The following RIMS1 variants were observed in gnomAD, a reference collection of about 807,000 sequenced individuals.
The protein encoded by RIMS1 is regulating synaptic membrane exocytosis protein 1.
A neutral mutation model predicts 214.1 loss-of-function variants in RIMS1; 83 were observed. The ratio of observed to expected loss-of-function variants is 0.39; its 90% CI spans 0.32 to 0.47. The LOEUF (loss-of-function observed/expected upper bound fraction) is 0.47, where lower values mean the gene tolerates loss of function less well. Among genes scored for constraint, RIMS1 ranks in the 20% least tolerant of loss-of-function variants. RIMS1 has a pLI of 0.99. For missense variants in RIMS1, 2,050 were observed against 2,161.8 expected (o/e 0.95, Z 1.03); for synonymous variants, 793 against 786.8 (o/e 1.01, Z -0.13).
chr6:72,108,356 C>T (rs1422378170), intron 4 of RIMS1, among the ~76,000 whole-genome samples: 2 of 152,110 alleles, frequency 1.3e-5, no homozygotes, highest in Non-Finnish European at 2.9e-5. Context: ...TCCCAAAGTG[C>T]TAGGATTACA....
intron 6 of RIMS1, among the ~76,000 whole-genome samples, chr6:72,189,321 G>A (rs911615488): frequency 8.5e-5 from 13 of 152,174 alleles, no homozygotes; most frequent in African/African-American, 2.9e-4. Flanking sequence ...TCAGGATGAT[G>A]GGGAACATGG....
At chr6:72,312,014 C>G (rs1286787589) in intron 27 of RIMS1, among the ~76,000 whole-genome samples, 1 of 152,174 alleles carries the variant, frequency 6.6e-6, no homozygotes, top group African/African-American at 2.4e-5. Context: ...CAGTCCTAAA[C>G]TACTCTCATG....
chr6:72,220,616 G>T (rs2058068071), intron 6 of RIMS1, among the ~76,000 whole-genome samples: 1 of 152,128 alleles, frequency 6.6e-6, no homozygotes, highest in South Asian at 2.1e-4. Context: ...AAAAACCTTA[G>T]TTACTAGTTG....
At chr6:71,987,445 A>G (rs1198894289) in intron 2 of RIMS1, among the ~76,000 whole-genome samples, 2 of 152,200 alleles carry the variant, frequency 1.3e-5, no homozygotes, top group East Asian at 3.9e-4. Flanking sequence ...CCTCTTGTAC[A>G]GGGCACTAAT....
At chr6:71,933,541 A>G (rs1414598405) in intron 1 of RIMS1, among the ~76,000 whole-genome samples, 1 of 152,140 alleles carries the variant, frequency 6.6e-6, no homozygotes, top group Admixed American at 6.6e-5. Context: ...GGAAACGGAA[A>G]TGGACTTTTT....
intron 29 of RIMS1, among the ~76,000 whole-genome samples, chr6:72,345,180 G>T (rs968086805): frequency 6.6e-6 from 1 of 151,630 alleles, no homozygotes; most frequent in Non-Finnish European, 1.5e-5. Flanking sequence ...ATTTAATTCA[G>T]AGTGTTTTTT....
intron 2 of RIMS1, among the ~76,000 whole-genome samples, chr6:72,087,586 GC>G (rs1834984434): frequency 6.6e-6 from 1 of 151,998 alleles, no homozygotes; most frequent in Admixed American, 6.6e-5. Context: ...TCATTCCTTG[GC>G]CCCCCAGAAA....
intron 1 of RIMS1, among the ~76,000 whole-genome samples, chr6:71,946,336 CAAG>C (rs900595559): frequency 6.6e-6 from 1 of 152,064 alleles, no homozygotes; most frequent in Admixed American, 6.6e-5. Flanking sequence ...CAATCTTGAA[CAAG>C]AAGAACAAAG....
In RIMS1 at chr6:72,140,744, T is replaced by G. The variant is rs145170879; in HGVS notation, c.472-38831T>G. The stretch of plus-strand genomic sequence containing the variant: ...TGGATTGCATTTCCCATCTTCAGAT[T>G]ATCAAGGATTACAGACCATTTTAGT... On this transcript the variant is annotated intron_variant, in intron 4 of 33. Coordinates refer to ENST00000521978, the MANE Select transcript of RIMS1 (RefSeq NM_014989.7). Among the ~76,000 whole-genome samples, 173 of 152,202 alleles carry G rather than the reference T, an allele frequency of 1.1e-3. 1 individual carries two copies. Among genetic ancestry groups the G allele is most frequent in the Admixed American group, 2.1e-3 (32 of 15,282 alleles).
chr6:72,273,230 T>G, intron 22 of RIMS1, among the ~76,000 whole-genome samples: 1 of 152,068 alleles, frequency 6.6e-6, no homozygotes, highest in East Asian at 1.9e-4. Flanking sequence ...TCTAAAATAT[T>G]CAGTAAACCA....
chr6:72,097,025 G>A lies in RIMS1; in HGVS notation c.322G>A (p.Glu108Lys). Residue 108 changes from glutamate (E) to lysine (K), a missense_variant, in exon 3 of 34, where the codon GAG becomes AAG. Physicochemically the swap from Glu to Lys is moderately conservative, Grantham distance 56 (BLOSUM62 1). Around this residue, in one of 6 missense-constraint regions of RIMS1, gnomAD observed 882 missense variants for 828.9 expected, o/e 1.06. Coordinates refer to ENST00000521978, the MANE Select transcript of RIMS1 (RefSeq NM_014989.7). ...GGAAGAAGCGCGGCGTTACCAGGGC[G>A]AGCACAAAGACGATGCTCCGACTTG... ...IGEEARRYQG[E>K]HKDDAPTCGI... 2 of 1,613,930 alleles carry A rather than the reference G, an allele frequency of 1.2e-6. No individual in the cohort carries two copies. The highest frequency in any genetic ancestry group is 1.7e-6 in the Non-Finnish European group (2 of 1,179,862).
intron 1 of RIMS1, among the ~76,000 whole-genome samples, chr6:71,911,084 G>T (rs9341356): frequency 0.067 from 10,248 of 152,160 alleles, 482 homozygotes; most frequent in East Asian, 0.2. Flanking sequence ...AACCTCTTTG[G>T]AAGAAGCCAT....
At chr6:72,349,332 T>G (rs892925977) in intron 29 of RIMS1, among the ~76,000 whole-genome samples, 1 of 152,022 alleles carries the variant, frequency 6.6e-6, no homozygotes, top group South Asian at 2.1e-4. Context: ...TTTGAAACTA[T>G]GAAGATTCTG....
intron 29 of RIMS1, among the ~76,000 whole-genome samples, chr6:72,338,161 G>A (rs572415708): frequency 0.015 from 2,226 of 151,652 alleles, 35 homozygotes; most frequent in African/African-American, 0.051. Flanking sequence ...CTGAGGAATC[G>A]CCACACTGAC....
intron 4 of RIMS1, among the ~76,000 whole-genome samples, chr6:72,154,435 T>C (rs2044173300): frequency 7.1e-6 from 1 of 140,408 alleles, no homozygotes; most frequent in Non-Finnish European, 1.6e-5. Flanking sequence ...ATGAAAACAA[T>C]GATCAAAATA....
At chr6:71,924,630 C>CAAAAAAA (rs1250868988) in intron 1 of RIMS1, among the ~76,000 whole-genome samples, 1 of 76,226 alleles carries the variant, frequency 1.3e-5, no homozygotes. Flanking sequence ...CCCATCTCTG[C>CAAAAAAA]AAAAAAAAAA....
At chr6:72,233,976 T>G (rs2063059655) in intron 7 of RIMS1, 136 bp downstream of exon 7, 1 of 546,928 alleles carries the variant, frequency 1.8e-6, no homozygotes, top group African/African-American at 1.9e-5. Flanking sequence ...ATAGTACAAT[T>G]TTGAAGAAAA....
chr6:72,282,452 A>G (rs1004216153), intron 23 of RIMS1, among the ~76,000 whole-genome samples: 2 of 152,048 alleles, frequency 1.3e-5, no homozygotes, highest in East Asian at 3.9e-4. Context: ...AAGAACCTTA[A>G]TGTCAGAGAG....
chr6:72,301,468 G>T (rs1363195743), intron 26 of RIMS1, among the ~76,000 whole-genome samples: 1 of 151,596 alleles, frequency 6.6e-6, no homozygotes, highest in African/African-American at 2.4e-5. Flanking sequence ...GTTCCACAAT[G>T]GTGGCTTTAA....
Sources: allele counts gnomAD v4.1 joint callset (sites outside exome capture counted in the v4.1 genomes callset), GRCh38; gene constraint gnomAD v4.1.1; regional missense constraint gnomAD v4.1.1; transcripts MANE v1.5; gene names NCBI Gene and HGNC (gene_info 2026-07-23, HGNC 2026-07-21).